ADAMTS16: variants seen among roughly 807,000 people sequenced by gnomAD.
ADAMTS16 encodes ADAM metallopeptidase with thrombospondin type 1 motif 16.
Under a neutral mutation model 145.8 loss-of-function variants are expected in ADAMTS16, and 94 were observed. That is an observed-to-expected ratio of 0.64 (90% CI 0.55 to 0.77). The LOEUF is 0.77. Ranked by LOEUF, ADAMTS16 falls within the 30% of genes least tolerant of loss-of-function variation. The pLI, the probability that ADAMTS16 is intolerant of heterozygous loss-of-function variation, is 0.00. For synonymous variants in ADAMTS16, 659 were observed against 604.3 expected (o/e 1.09, Z -1.33); for missense variants, 1,585 against 1,591.5 (o/e 1.00, Z 0.07).
intron 7 of ADAMTS16, among the ~76,000 whole-genome samples, chr5:5,191,331 A>T (rs1041216374): frequency 6.6e-6 from 1 of 152,136 alleles, no homozygotes; most frequent in South Asian, 2.1e-4. Context: ...TTTTGGGAAC[A>T]TAGGTGTTTA....
At position 5,269,773 on chromosome 5, in the gene ADAMTS16, T is replaced by C. The variant is rs118037442; in HGVS notation, c.2789+6990T>C. Among the ~76,000 whole-genome samples the C allele has an allele frequency of 2.0e-4, 30 of 152,326 alleles. No homozygotes were observed. The East Asian group carries it at 5.0e-3, about 26-fold the overall frequency. On this transcript the variant is annotated intron_variant, in intron 18 of 22. Transcript: ENST00000274181. The surrounding 1 kb of genome is among the most constrained non-coding windows in gnomAD (Gnocchi z 4.3). Reference sequence around the variant, plus strand: ...TTGGTCTTTCTGGTATTGAGAGATTTGGAGCTGAAGACATCCCTGCGTTCT... The same window carrying C: ...TTGGTCTTTCTGGTATTGAGAGATTCGGAGCTGAAGACATCCCTGCGTTCT...
At chr5:5,260,651 C>A (rs1737980310) in intron 17 of ADAMTS16, among the ~76,000 whole-genome samples, 1 of 152,350 alleles carries the variant, frequency 6.6e-6, no homozygotes, top group Admixed American at 6.5e-5. Flanking sequence ...GCCATGAGCT[C>A]CGACAGTGGC....
At chr5:5,168,453 CTAGTT>C (rs1734943747) in intron 3 of ADAMTS16, among the ~76,000 whole-genome samples, 1 of 140,784 alleles carries the variant, frequency 7.1e-6, no homozygotes, top group Admixed American at 7.2e-5. Flanking sequence ...AAGTTAATGC[CTAGTT>C]TATTTATTTT....
At chr5:5,168,653 T>A (rs1483909057) in intron 3 of ADAMTS16, among the ~76,000 whole-genome samples, 1 of 119,678 alleles carries the variant, frequency 8.4e-6, no homozygotes, top group East Asian at 2.1e-4. Flanking sequence ...ATTATATTTA[T>A]ATATTATATT....
intron 18 of ADAMTS16, among the ~76,000 whole-genome samples, chr5:5,302,811 T>C (rs532036315): frequency 2.0e-5 from 3 of 152,274 alleles, no homozygotes; most frequent in African/African-American, 7.2e-5. Flanking sequence ...TTTTAAAAAA[T>C]CCTTATTTTT....
intron 10 of ADAMTS16, among the ~76,000 whole-genome samples, chr5:5,212,214 G>GT (rs563286650): frequency 0.039 from 3,890 of 100,576 alleles, 183 homozygotes; most frequent in African/African-American, 0.1. Context: ...GTTTTGTTTT[G>GT]TTTTTTTTTT....
At chr5:5,154,461 A>G (rs1734554154) in intron 3 of ADAMTS16, among the ~76,000 whole-genome samples, 2 of 152,250 alleles carry the variant, frequency 1.3e-5, no homozygotes, top group African/African-American at 4.8e-5. Flanking sequence ...ATAATATTTT[A>G]TAAGGTAATC....
At chr5:5,306,468 T>C (rs745968893) in intron 20 of ADAMTS16, 36 bp from the exon 21 acceptor site, 20 of 1,576,186 alleles carry the variant, frequency 1.3e-5, no homozygotes, top group Non-Finnish European at 1.7e-5. Flanking sequence ...AAAAAGAGAT[T>C]TTTTTCACTG....
At chr5:5,159,705 G>A (rs1734692371) in intron 3 of ADAMTS16, among the ~76,000 whole-genome samples, 1 of 152,206 alleles carries the variant, frequency 6.6e-6, no homozygotes, top group Admixed American at 6.5e-5. Flanking sequence ...AGTGACTTAT[G>A]AAAGCAATTA....
intron 17 of ADAMTS16, among the ~76,000 whole-genome samples, chr5:5,258,296 G>T (rs1360450751): frequency 6.6e-6 from 1 of 152,178 alleles, no homozygotes; most frequent in African/African-American, 2.4e-5. Flanking sequence ...GTGTACTAAT[G>T]ACACCTGGGT....
intron 10 of ADAMTS16, among the ~76,000 whole-genome samples, chr5:5,216,680 T>G (rs1226799459): frequency 2.0e-5 from 3 of 149,764 alleles, no homozygotes; most frequent in African/African-American, 7.4e-5. Flanking sequence ...TATGTATACA[T>G]GTGCCATGCT....
At chr5:5,150,911 A>G (rs79019640) in intron 3 of ADAMTS16, among the ~76,000 whole-genome samples, 264 of 152,344 alleles carry the variant, frequency 1.7e-3, no homozygotes, top group Middle Eastern at 3.4e-3. Flanking sequence ...TGCATTATGC[A>G]TATGTTAGTA....
At chr5:5,284,009 A>G (rs913989894) in intron 18 of ADAMTS16, among the ~76,000 whole-genome samples, 9 of 152,160 alleles carry the variant, frequency 5.9e-5, no homozygotes, top group Non-Finnish European at 1.3e-4. Context: ...TGTTTAATCT[A>G]AGTTTACTTC....
chr5:5,216,315 A>G (rs557650188), intron 10 of ADAMTS16, among the ~76,000 whole-genome samples: 2 of 151,688 alleles, frequency 1.3e-5, no homozygotes, highest in African/African-American at 4.8e-5. Flanking sequence ...AGTTTTTCAT[A>G]TGTTTGTTGG....
intron 20 of ADAMTS16, among the ~76,000 whole-genome samples, chr5:5,305,090 CA>C: frequency 1.9e-5 from 1 of 52,394 alleles, no homozygotes; most frequent in African/African-American, 6.8e-5. Flanking sequence ...CATCCCACAC[CA>C]CACACACACA....
intron 17 of ADAMTS16, among the ~76,000 whole-genome samples, chr5:5,261,892 T>C (rs941635114): frequency 3.9e-5 from 6 of 152,214 alleles, no homozygotes; most frequent in African/African-American, 2.4e-5. Flanking sequence ...TCTTCTCAAA[T>C]GGAAACTTTC....
intron 9 of ADAMTS16, among the ~76,000 whole-genome samples, chr5:5,207,734 G>A (rs1449049404): frequency 1.3e-5 from 2 of 150,674 alleles, no homozygotes; most frequent in Admixed American, 6.6e-5. Flanking sequence ...TATCATGAAT[G>A]AGTGTTAAAT....
At chr5:5,278,651 G>T (rs1343339539) in intron 18 of ADAMTS16, among the ~76,000 whole-genome samples, 1 of 152,160 alleles carries the variant, frequency 6.6e-6, no homozygotes, top group Non-Finnish European at 1.5e-5. Flanking sequence ...TCTACTATGT[G>T]TCAGGCCCTT....
chr5:5,197,247 C>G (rs1379814389), intron 8 of ADAMTS16, among the ~76,000 whole-genome samples: 1 of 152,176 alleles, frequency 6.6e-6, no homozygotes, highest in East Asian at 1.9e-4. Flanking sequence ...TCAGCATTCT[C>G]AGTATATCAT....
Sources: allele counts gnomAD v4.1 joint callset (sites outside exome capture counted in the v4.1 genomes callset), GRCh38; gene constraint gnomAD v4.1.1; non-coding constraint Gnocchi (gnomAD v3.1); transcripts MANE v1.5; gene names NCBI Gene and HGNC (gene_info 2026-07-23, HGNC 2026-07-21).